Variants in MAP2K6 observed in about 807,000 individuals in gnomAD.
MAP2K6 encodes mitogen-activated protein kinase kinase 6, also known as dual specificity mitogen-activated protein kinase kinase 6.
In MAP2K6, 16 loss-of-function variants were observed where a neutral mutation model predicts 53.7. The observed-to-expected ratio is 0.30, with a 90% CI of 0.20 to 0.45. MAP2K6 has a LOEUF of 0.45. Ranked by LOEUF, MAP2K6 falls within the 20% of genes least tolerant of loss-of-function variation. MAP2K6 has a pLI of 1.00. For synonymous variants in MAP2K6, 132 were observed against 143.1 expected (o/e 0.92, Z 0.55); for missense variants, 204 against 411.9 (o/e 0.50, Z 4.37).
At chr17:69,515,134 A>G (rs963822059) in intron 2 of MAP2K6, among the ~76,000 whole-genome samples, 1 of 148,078 alleles carries the variant, frequency 6.8e-6, no homozygotes, top group Admixed American at 6.7e-5. Flanking sequence ...GTTTGATCAC[A>G]TTAACAATTT....
At chr17:69,461,567 A>G (rs1907623046) in intron 1 of MAP2K6, among the ~76,000 whole-genome samples, 1 of 152,092 alleles carries the variant, frequency 6.6e-6, no homozygotes, top group Non-Finnish European at 1.5e-5. Context: ...GGTGCCTGAC[A>G]GGGTTGTTTT....
At chr17:69,515,835 C>T (rs374669744) in intron 2 of MAP2K6, among the ~76,000 whole-genome samples, 1 of 152,120 alleles carries the variant, frequency 6.6e-6, no homozygotes, top group Non-Finnish European at 1.5e-5. Context: ...AAAGAAGGGA[C>T]GAGATTTGAA....
intron 1 of MAP2K6, among the ~76,000 whole-genome samples, chr17:69,487,291 A>G (rs1344805514): frequency 6.6e-6 from 1 of 152,238 alleles, no homozygotes; most frequent in Non-Finnish European, 1.5e-5. Context: ...CATCTGTACA[A>G]GCTCTGTGTA....
At chr17:69,507,230 C>G (rs1331189331) in intron 2 of MAP2K6, among the ~76,000 whole-genome samples, 7 of 152,112 alleles carry the variant, frequency 4.6e-5, no homozygotes. Context: ...CCCCGCCATC[C>G]CAAGTTAACA....
intron 2 of MAP2K6, among the ~76,000 whole-genome samples, chr17:69,506,913 C>T (rs752388842): frequency 4.6e-5 from 7 of 151,972 alleles, no homozygotes; most frequent in African/African-American, 1.2e-4. Flanking sequence ...GAGGAAGATC[C>T]GTCTTCCCAT....
At chr17:69,496,745 C>G (rs145604133) in intron 1 of MAP2K6, among the ~76,000 whole-genome samples, 217 of 152,192 alleles carry the variant, frequency 1.4e-3, no homozygotes, top group Non-Finnish European at 1.1e-3. Flanking sequence ...CCCAGATCTA[C>G]TCATTTCCTC....
At chr17:69,429,604 A>G (rs1383047929) in intron 1 of MAP2K6, among the ~76,000 whole-genome samples, 1 of 152,198 alleles carries the variant, frequency 6.6e-6, no homozygotes, top group Non-Finnish European at 1.5e-5. Flanking sequence ...TATTTCCTAG[A>G]GCTAATATGC....
At position 69,494,350 on chromosome 17, in the gene MAP2K6, T is replaced by A. The variant is rs1908862562; in HGVS notation, c.17-11430T>A. On this transcript the variant is annotated intron_variant, in intron 1 of 11. Coordinates refer to ENST00000590474, the MANE Select transcript of MAP2K6 (RefSeq NM_002758.4). This position sits in a 1 kb window ranked among gnomAD's most constrained non-coding sequence, Gnocchi z 4.2. Reference sequence around the variant, plus strand: ...TCATCTCTACTAAAAATACAAAAATTAGCTGGGCATGGTGGCACATGCCTG... The same window carrying A: ...TCATCTCTACTAAAAATACAAAAATAAGCTGGGCATGGTGGCACATGCCTG... Among the ~76,000 whole-genome samples the A allele has an allele frequency of 6.6e-6, 1 of 151,646 alleles. No individual in the cohort carries two copies. Among genetic ancestry groups the A allele is most frequent in the African/African-American group, 2.4e-5 (1 of 41,250 alleles).
chr17:69,516,777 C>A, intron 2 of MAP2K6, 78 bp from the exon 3 acceptor site: 3 of 1,005,680 alleles, frequency 3.0e-6, no homozygotes, highest in African/African-American at 2.0e-5. Context: ...AAAAAATATC[C>A]TCAGTGGTGT....
Position 69,552,657 on chromosome 17 carries a change from G to A in MAP2K6, c.*10904G>A, listed in dbSNP as rs1055150264. The A allele has an allele frequency of 6.6e-6, 1 of 152,192 alleles. No homozygotes were observed. The highest frequency in any genetic ancestry group is 1.5e-5 in the Non-Finnish European group (1 of 68,050). The allele number at this position is 152,192 out of a possible 1,614,324, so 9.4% of individuals were successfully genotyped here. A position where few individuals can be genotyped will look rare whatever the true frequency, so the allele number is the denominator to read the frequency against. ...TGAAGAAGGAAAGAAGGAGTTGGGG[G>A]TGTATATCTAACTGTGTTTTTCTAT... On this transcript the variant is annotated 3_prime_UTR_variant, in exon 12 of 12. Transcript: ENST00000590474.
At chr17:69,438,023 A>G (rs776007685) in intron 1 of MAP2K6, among the ~76,000 whole-genome samples, 3 of 152,260 alleles carry the variant, frequency 2.0e-5, no homozygotes, top group South Asian at 2.1e-4. Flanking sequence ...AAAGTAGCCA[A>G]TAAATTACAC....
rs769606773 is a variant in MAP2K6, at chr17:69,520,314, T to C, written c.411T>C (p.Asp137=). The C allele has an allele frequency of 1.9e-6, 3 of 1,612,928 alleles. No individual in the cohort carries two copies. The highest frequency in any genetic ancestry group is 1.1e-5 in the South Asian group (1 of 90,840). Residue 137 remains aspartate, a synonymous_variant, in exon 6 of 12, where the codon GAT becomes GAC. Transcript: ENST00000590474. ...TGGAGCTCATGGATACATCACTAGA[T>C]AAATTCTACAAACAAGTTATTGATA... The part of the protein sequence containing the change: ...ICMELMDTSL[D]KFYKQVIDKG...
At chr17:69,460,261 A>G (rs1907578481) in intron 1 of MAP2K6, among the ~76,000 whole-genome samples, 1 of 152,148 alleles carries the variant, frequency 6.6e-6, no homozygotes, top group Non-Finnish European at 1.5e-5. Flanking sequence ...GGTGTCATGA[A>G]GGTGGGGTAC....
chr17:69,519,256 C>G, intron 4 of MAP2K6, 57 bp from the exon 5 acceptor site: 1 of 1,567,106 alleles, frequency 6.4e-7, no homozygotes, highest in Admixed American at 1.9e-5. Flanking sequence ...CCTTCAGGTC[C>G]CTGCCTGCCT....
At chr17:69,495,128 C>A (rs970779628) in intron 1 of MAP2K6, among the ~76,000 whole-genome samples, 2 of 151,424 alleles carry the variant, frequency 1.3e-5, no homozygotes, top group South Asian at 2.1e-4. Flanking sequence ...ACAAATTCAC[C>A]CCTCTTATTC....
Position 69,537,981 on chromosome 17 carries a change from T to G in MAP2K6, c.927+1821T>G, listed in dbSNP as rs545360107. 3.9e-3 allele frequency among the ~76,000 whole-genome samples: 590 copies of G among 152,292 alleles called. 2 individuals carry two copies. The highest frequency in any genetic ancestry group is 4.6e-3 in the Non-Finnish European group (315 of 68,024). On this transcript the variant is annotated intron_variant, in intron 11 of 11. Coordinates refer to ENST00000590474, the MANE Select transcript of MAP2K6 (RefSeq NM_002758.4). Reference sequence around the variant, plus strand: ...ATATAAAATACAGTAGATATACAGTTATTCTTGTAGGATACTATGGAGCCT... The same window carrying G: ...ATATAAAATACAGTAGATATACAGTGATTCTTGTAGGATACTATGGAGCCT...
intron 3 of MAP2K6, 100 bp from the exon 4 acceptor site, chr17:69,517,400 A>G (rs992751567): frequency 8.6e-6 from 5 of 580,296 alleles, no homozygotes; most frequent in Non-Finnish European, 1.4e-5. Flanking sequence ...GCCCAGAAAT[A>G]ATCCTTAGAA....
chr17:69,474,779 T>G (rs1020817375), intron 1 of MAP2K6, among the ~76,000 whole-genome samples: 2 of 152,208 alleles, frequency 1.3e-5, no homozygotes, highest in African/African-American at 4.8e-5. Context: ...TGCCTTGACA[T>G]TTGCTCTTTA....
chr17:69,535,543 G>T (rs983402504), intron 10 of MAP2K6, among the ~76,000 whole-genome samples: 1 of 152,080 alleles, frequency 6.6e-6, no homozygotes, highest in Non-Finnish European at 1.5e-5. Flanking sequence ...AGTGAGCCGA[G>T]ATTGTATGCC....
Sources: gnomAD v4.1 joint callset for allele counts (sites outside exome capture counted in the v4.1 genomes callset) on GRCh38, gnomAD v4.1.1 for gene constraint, Gnocchi (gnomAD v3.1) non-coding constraint, MANE v1.5 for transcripts, NCBI Gene and HGNC (gene_info 2026-07-23, HGNC 2026-07-21) for gene names.